The following PVT1 variants were observed in gnomAD, a reference collection of about 807,000 sequenced individuals.
PVT1 encodes CXCR4/PVT1 fusion.
In PVT1 at chr8:127,880,539, G is replaced by A. The variant is rs375193896; in HGVS notation, n.373-10050G>A. Reference sequence around the variant, plus strand: ...TCTCGATCTCCTGACCTCATGATCCGCCTGTCTCGGTCTCCCAAAGTGCTG... The same window carrying A: ...TCTCGATCTCCTGACCTCATGATCCACCTGTCTCGGTCTCCCAAAGTGCTG... On this transcript the variant is annotated intron_variant and non_coding_transcript_variant, in intron 2 of 10. Transcript: ENST00000651587. Among the ~76,000 whole-genome samples, 20 of 148,252 alleles carry A rather than the reference G, an allele frequency of 1.3e-4. No homozygotes were observed. In the East Asian group the frequency reaches 1.6e-3, roughly 12 times the overall value.
intron 3 of PVT1, among the ~76,000 whole-genome samples, chr8:127,917,327 G>A (rs1365509309): frequency 6.6e-6 from 1 of 152,218 alleles, no homozygotes; most frequent in African/African-American, 2.4e-5. Flanking sequence ...AGATCATGAG[G>A]AGGCGATAGA....
At chr8:127,876,937 T>A (rs1448623405) in intron 2 of PVT1, among the ~76,000 whole-genome samples, 1 of 152,238 alleles carries the variant, frequency 6.6e-6, no homozygotes, top group East Asian at 1.9e-4. Flanking sequence ...AGTAGAGACC[T>A]GCTTCTGAGA....
chr8:127,965,228 C>A (rs562617894), intron 3 of PVT1, among the ~76,000 whole-genome samples: 27 of 152,316 alleles, frequency 1.8e-4, no homozygotes, highest in Non-Finnish European at 3.5e-4. Context: ...ATTTCACTTT[C>A]ACATTGAGTA....
intron 3 of PVT1, among the ~76,000 whole-genome samples, chr8:127,901,850 C>T (rs532908460): frequency 6.6e-6 from 1 of 151,970 alleles, no homozygotes; most frequent in African/African-American, 2.4e-5. Flanking sequence ...GATCCTCCTG[C>T]CTTGTTCTCC....
At chr8:127,920,711 T>C (rs1376939076) in intron 3 of PVT1, among the ~76,000 whole-genome samples, 1 of 152,230 alleles carries the variant, frequency 6.6e-6, no homozygotes. Context: ...AGAGTTGTTT[T>C]ATGAAAAGTT....
intron 4 of PVT1, among the ~76,000 whole-genome samples, chr8:128,005,917 A>G (rs777364185): frequency 4.6e-5 from 7 of 152,036 alleles, no homozygotes; most frequent in Non-Finnish European, 7.4e-5. Context: ...CAAGCAGCCA[A>G]CAAGGTGAAA....
intron 4 of PVT1, among the ~76,000 whole-genome samples, chr8:128,039,527 C>T (rs777486034): frequency 2.0e-4 from 30 of 152,250 alleles, no homozygotes; most frequent in Non-Finnish European, 3.7e-4. Context: ...TCAGGAAATG[C>T]CCCATCTGGT....
At chr8:127,905,638 T>A (rs1237077314) in intron 3 of PVT1, among the ~76,000 whole-genome samples, 1 of 152,186 alleles carries the variant, frequency 6.6e-6, no homozygotes, top group Non-Finnish European at 1.5e-5. Flanking sequence ...TGTGGGTTTT[T>A]TTTTGAGTAT....
intron 2 of PVT1, among the ~76,000 whole-genome samples, chr8:127,835,412 CAGGG>C (rs1563617568): frequency 1.4e-5 from 2 of 146,884 alleles, no homozygotes; most frequent in African/African-American, 5.1e-5. Flanking sequence ...CATATGGACA[CAGGG>C]AGGGGAACAT....
intron 2 of PVT1, among the ~76,000 whole-genome samples, chr8:127,796,280 T>G (rs1016793166): frequency 1.3e-5 from 2 of 152,188 alleles, no homozygotes; most frequent in African/African-American, 4.8e-5. Flanking sequence ...TTCCTTTTCC[T>G]CTGTCTTAAA....
At chr8:127,950,303 C>T (rs1465710805) in intron 3 of PVT1, among the ~76,000 whole-genome samples, 1 of 152,200 alleles carries the variant, frequency 6.6e-6, no homozygotes, top group African/African-American at 2.4e-5. Context: ...ATTACTCTCC[C>T]TGCATAGGAG....
chr8:127,948,199 C>A (rs917899155), intron 3 of PVT1: 15 of 341,184 alleles, frequency 4.4e-5, no homozygotes, highest in Non-Finnish European at 8.6e-5. Flanking sequence ...CTGTGGATGG[C>A]GTGTAGTAGT....
At chr8:128,057,780 C>T (rs943884092) in intron 4 of PVT1, among the ~76,000 whole-genome samples, 1 of 152,204 alleles carries the variant, frequency 6.6e-6, no homozygotes, top group Non-Finnish European at 1.5e-5. Context: ...ACGGTGTGTG[C>T]GGGGCCTTGC....
At chr8:127,822,550 C>T (rs1042593835) in intron 2 of PVT1, among the ~76,000 whole-genome samples, 5 of 152,130 alleles carry the variant, frequency 3.3e-5, no homozygotes, top group Non-Finnish European at 5.9e-5. Flanking sequence ...GCACTCCAGC[C>T]TGGGCGACAG....
chr8:128,079,605 T>C (rs905205023), intron 5 of PVT1, among the ~76,000 whole-genome samples: 30 of 152,186 alleles, frequency 2.0e-4, no homozygotes, highest in African/African-American at 7.2e-4. Flanking sequence ...TCCCCTGTGC[T>C]TCCCCTATCT....
At position 127,898,733 on chromosome 8, in the gene PVT1, T is replaced by TG. The variant is rs1815719651; in HGVS notation, n.782+7740dup. Among the ~76,000 whole-genome samples the TG allele has an allele frequency of 6.6e-6, 1 of 152,070 alleles. No individual in the cohort carries two copies. Reference sequence around the variant, plus strand: ...CTGTGGTGGGGGTGAGGCGGTGGCGTGGGGGCTTCTTCCCTCTCTCTCTGT... The same window carrying TG: ...CTGTGGTGGGGGTGAGGCGGTGGCGTGGGGGGCTTCTTCCCTCTCTCTCTGT... On this transcript the variant is annotated intron_variant and non_coding_transcript_variant, in intron 3 of 10. Transcript: ENST00000651587. This position sits in a 1 kb window ranked among gnomAD's most constrained non-coding sequence, Gnocchi z 4.4.
intron 4 of PVT1, among the ~76,000 whole-genome samples, chr8:128,018,118 C>G (rs1026685270): frequency 3.3e-5 from 5 of 152,170 alleles, no homozygotes; most frequent in African/African-American, 1.2e-4. Context: ...GAAGGCCCTC[C>G]AGCACGTGCA....
At chr8:128,026,074 C>T (rs1817489713) in intron 4 of PVT1, among the ~76,000 whole-genome samples, 1 of 152,062 alleles carries the variant, frequency 6.6e-6, no homozygotes, top group African/African-American at 2.4e-5. Context: ...GCCAGAGTAG[C>T]TGGGATTACA....
intron 2 of PVT1, among the ~76,000 whole-genome samples, chr8:127,798,711 A>G (rs1383235500): frequency 3.7e-5 from 4 of 108,584 alleles, no homozygotes; most frequent in African/African-American, 8.2e-5. Context: ...ATACAAAAAA[A>G]AAAAAAAAAA....
Sources: gnomAD v4.1 joint callset for allele counts (sites outside exome capture counted in the v4.1 genomes callset) on GRCh38, gnomAD v4.1.1 for gene constraint, Gnocchi (gnomAD v3.1) non-coding constraint, MANE v1.5 for transcripts, NCBI Gene and HGNC (gene_info 2026-07-23, HGNC 2026-07-21) for gene names.